Variants in DGKB observed in about 807,000 individuals in gnomAD.
DGKB encodes the protein diacylglycerol kinase beta.
In DGKB, 67 loss-of-function variants were observed where a neutral mutation model predicts 114.3. The ratio of observed to expected loss-of-function variants is 0.59; its 90% confidence interval spans 0.48 to 0.72. The LOEUF (loss-of-function observed/expected upper bound fraction) is 0.72, where lower values mean the gene tolerates loss of function less well. DGKB is among the 30% of genes least tolerant of loss of function. The pLI is 0.00. For synonymous variants in DGKB, 398 were observed against 323.1 expected (o/e 1.23, Z -2.49); for missense variants, 907 against 975.2 (o/e 0.93, Z 0.93).
At chr7:14,752,137 G>C (rs1466416508) in intron 4 of DGKB, among the ~76,000 whole-genome samples, 3 of 152,050 alleles carry the variant, frequency 2.0e-5, no homozygotes, top group African/African-American at 7.2e-5. Flanking sequence ...TATTTTCTCT[G>C]TTATACTTTC....
intron 13 of DGKB, among the ~76,000 whole-genome samples, chr7:14,634,105 CT>C (rs1810270351): frequency 6.6e-6 from 1 of 151,120 alleles, no homozygotes; most frequent in Non-Finnish European, 1.5e-5. Context: ...TAAAGGAAAA[CT>C]TTAAAAATGA....
chr7:14,882,408 G>C (rs1236165524), intron 1 of DGKB, among the ~76,000 whole-genome samples: 1 of 151,866 alleles, frequency 6.6e-6, no homozygotes, highest in African/African-American at 2.4e-5. Context: ...ATTGTTTTTT[G>C]TTTGTTTGTT....
At chr7:14,661,003 T>G (rs4358695) in intron 13 of DGKB, among the ~76,000 whole-genome samples, 105,455 of 143,064 alleles carry the variant, frequency 0.74, 39,199 homozygotes, top group Admixed American at 0.82. Context: ...CTAGCCATAT[T>G]TAGAAAGCTG....
At chr7:14,863,397 A>T (rs956157581) in intron 1 of DGKB, among the ~76,000 whole-genome samples, 1 of 151,372 alleles carries the variant, frequency 6.6e-6, no homozygotes. Context: ...TAATATTTAT[A>T]TTAAAAATTA....
chr7:14,409,696 A>G lies in DGKB; in HGVS notation c.1836-64305T>C, dbSNP rs1407623376. Among the ~76,000 whole-genome samples the G allele has an allele frequency of 5.9e-4, 5 of 8,466 alleles. 2 individuals carry two copies. Among genetic ancestry groups the G allele is most frequent in the Non-Finnish European group, 2.5e-3 (5 of 2,030 alleles). 5.6% of individuals were successfully genotyped at this position (8,466 alleles called of 152,430 possible). On this transcript the variant is annotated intron_variant, in intron 21 of 25. Coordinates refer to ENST00000402815, the MANE Select transcript of DGKB (RefSeq NM_001350709.2). ...CAGTCCGCAGTCTGGCCTGGGCGAC[A>G]GAGCGAGACTCCGTCTCAAAAAAAA...
intron 23 of DGKB, among the ~76,000 whole-genome samples, chr7:14,301,647 A>G (rs1803555671): frequency 6.6e-6 from 1 of 152,156 alleles, no homozygotes; most frequent in South Asian, 2.1e-4. Context: ...ATACATATAC[A>G]TCTCCAGATG....
chr7:14,233,128 C>T (rs772120853), intron 23 of DGKB, among the ~76,000 whole-genome samples: 2 of 151,940 alleles, frequency 1.3e-5, no homozygotes, highest in Non-Finnish European at 2.9e-5. Context: ...CAGAGGGGAA[C>T]ACACTGAAGA....
chr7:14,493,354 A>G (rs1258088333), intron 20 of DGKB, among the ~76,000 whole-genome samples: 3 of 152,138 alleles, frequency 2.0e-5, no homozygotes, highest in Non-Finnish European at 4.4e-5. Context: ...GTACATACCT[A>G]TGATAAAGTT....
At chr7:14,654,896 T>A (rs1476725138) in intron 13 of DGKB, among the ~76,000 whole-genome samples, 2 of 151,758 alleles carry the variant, frequency 1.3e-5, no homozygotes, top group African/African-American at 4.8e-5. Context: ...TATTAACAAC[T>A]TAAATGTAAG....
intron 6 of DGKB, among the ~76,000 whole-genome samples, chr7:14,705,822 A>G (rs1227295753): frequency 6.6e-6 from 1 of 152,200 alleles, no homozygotes; most frequent in Non-Finnish European, 1.5e-5. Context: ...GAAGCGCTAA[A>G]TATGGAAAGG....
chr7:14,170,134 C>CAAAAAAAAAAAAAAAA (rs762339951), intron 25 of DGKB, among the ~76,000 whole-genome samples: 5 of 33,080 alleles, frequency 1.5e-4, no homozygotes, highest in African/African-American at 2.2e-4. Flanking sequence ...AACTCCATCT[C>CAAAAAAAAAAAAAAAA]AAAAAAAAAA....
At chr7:14,896,234 G>A (rs750510218) in intron 1 of DGKB, among the ~76,000 whole-genome samples, 1 of 151,662 alleles carries the variant, frequency 6.6e-6, no homozygotes, top group Non-Finnish European at 1.5e-5. Flanking sequence ...GAAGATCAGA[G>A]GAGAAAGAAT....
chr7:14,231,917 T>C (rs981448063), intron 23 of DGKB, among the ~76,000 whole-genome samples: 9 of 152,040 alleles, frequency 5.9e-5, no homozygotes, highest in Non-Finnish European at 1.3e-4. Context: ...AAGTCTTCTA[T>C]GTAATGTTTA....
chr7:14,781,652 G>A (rs1365320447), intron 2 of DGKB, among the ~76,000 whole-genome samples: 1 of 152,068 alleles, frequency 6.6e-6, no homozygotes, highest in Non-Finnish European at 1.5e-5. Flanking sequence ...TCTTAATCAG[G>A]AAATTTGAGC....
rs904494012 is a variant in DGKB at position 14,146,205 on chromosome 7, A to G, written c.*2926T>C. 6.6e-6 allele frequency: 1 copy of G among 152,250 alleles called. No individual in the cohort carries two copies. Among genetic ancestry groups the G allele is most frequent in the African/African-American group, 2.4e-5 (1 of 41,476 alleles). The allele number at this position is 152,250 out of a possible 1,614,324, so 9.4% of individuals were successfully genotyped here. A position where few individuals can be genotyped will look rare whatever the true frequency, so the allele number is the denominator to read the frequency against. On this transcript the variant is annotated 3_prime_UTR_variant, in exon 26 of 26. Coordinates refer to ENST00000402815, the MANE Select transcript of DGKB (RefSeq NM_001350709.2). ...ACAAGGAAGTGGAAAAAATAAATTTACGTCTTTTAAACTTTCTGGTTCTAT... is the reference window on the plus strand; with the variant it reads ...ACAAGGAAGTGGAAAAAATAAATTTGCGTCTTTTAAACTTTCTGGTTCTAT...
intron 9 of DGKB, among the ~76,000 whole-genome samples, chr7:14,689,361 G>C (rs943986315): frequency 6.6e-6 from 1 of 151,506 alleles, no homozygotes; most frequent in Non-Finnish European, 1.5e-5. Context: ...ATTTTTAGTA[G>C]AGACGGGGTT....
At chr7:14,968,863 C>A (rs1196640697) in intron 1 of DGKB, among the ~76,000 whole-genome samples, 2 of 152,134 alleles carry the variant, frequency 1.3e-5, no homozygotes. Flanking sequence ...TTGCATCATG[C>A]AAATAATGTG....
intron 13 of DGKB, among the ~76,000 whole-genome samples, chr7:14,631,813 T>C (rs1809772884): frequency 6.6e-6 from 1 of 152,044 alleles, no homozygotes; most frequent in Non-Finnish European, 1.5e-5. Context: ...TTGCAAGACA[T>C]GGATATAGTC....
chr7:14,653,553 C>T (rs545875739), intron 13 of DGKB, among the ~76,000 whole-genome samples: 1 of 151,778 alleles, frequency 6.6e-6, no homozygotes. Flanking sequence ...ATACCTAATG[C>T]TAGATGACGA....
Sources: gnomAD v4.1 joint callset for allele counts (sites outside exome capture counted in the v4.1 genomes callset) on GRCh38, gnomAD v4.1.1 for gene constraint, MANE v1.5 for transcripts, NCBI Gene and HGNC (gene_info 2026-07-23, HGNC 2026-07-21) for gene names.